FMNL2: variants seen among roughly 807,000 people sequenced by gnomAD.
The protein encoded by FMNL2 is formin-like protein 2.
Under a neutral mutation model 130.2 loss-of-function variants are expected in FMNL2, and 51 were observed. The observed-to-expected ratio is 0.39, with a 90% CI of 0.31 to 0.49. The LOEUF is 0.49. Among genes scored for constraint, FMNL2 ranks in the 20% least tolerant of loss-of-function variants. FMNL2 has a pLI of 0.85. For missense variants in FMNL2, 977 were observed against 1,316.2 expected, an observed-to-expected ratio of 0.74 and a Z score of 3.99; for synonymous variants, 465 against 467.1, an observed-to-expected ratio of 1.00 and a Z score of 0.06.
intron 1 of FMNL2, among the ~76,000 whole-genome samples, chr2:152,505,081 T>G (rs1360698630): frequency 1.3e-5 from 2 of 152,224 alleles, no homozygotes; most frequent in East Asian, 1.9e-4. Flanking sequence ...TTCTGTCCTG[T>G]GTATGTTATG....
chr2:152,556,906 A>G (rs368751200), intron 4 of FMNL2, among the ~76,000 whole-genome samples: 4 of 150,194 alleles, frequency 2.7e-5, no homozygotes, highest in South Asian at 2.2e-4. Context: ...ATTATTTTTC[A>G]TATTAAAAAG....
chr2:152,631,569 A>G (rs1179049222), intron 20 of FMNL2, among the ~76,000 whole-genome samples: 1 of 152,012 alleles, frequency 6.6e-6, no homozygotes, highest in Non-Finnish European at 1.5e-5. Flanking sequence ...TCTAGGGTGG[A>G]TGGGAATGGC....
At chr2:152,336,191 G>A (rs1681430439) in intron 1 of FMNL2, among the ~76,000 whole-genome samples, 1 of 152,110 alleles carries the variant, frequency 6.6e-6, no homozygotes, top group Non-Finnish European at 1.5e-5. Context: ...GGCAGATGGG[G>A]CGCATGTGGC....
At chr2:152,574,603 C>A (rs949223187) in intron 6 of FMNL2, among the ~76,000 whole-genome samples, 3 of 152,152 alleles carry the variant, frequency 2.0e-5, no homozygotes, top group Non-Finnish European at 4.4e-5. Context: ...TCTTCTCAAT[C>A]ATTGCTGCAT....
chr2:152,540,567 CT>C (rs1380019412), intron 2 of FMNL2, among the ~76,000 whole-genome samples: 3 of 151,584 alleles, frequency 2.0e-5, no homozygotes, highest in Non-Finnish European at 4.4e-5. Context: ...ACCATTCCCC[CT>C]ATTTTCAAGG....
chr2:152,402,857 A>G (rs1047694674), intron 1 of FMNL2, among the ~76,000 whole-genome samples: 1 of 152,154 alleles, frequency 6.6e-6, no homozygotes, highest in Non-Finnish European at 1.5e-5. Flanking sequence ...TCTGTGCTTT[A>G]TTCACCTTTC....
chr2:152,359,807 C>G (rs1391485147), intron 1 of FMNL2, among the ~76,000 whole-genome samples: 10 of 152,102 alleles, frequency 6.6e-5, no homozygotes, highest in African/African-American at 2.4e-4. Context: ...TTGTTTTAAT[C>G]TTCACTACTT....
At chr2:152,426,013 G>A (rs1434072517) in intron 1 of FMNL2, among the ~76,000 whole-genome samples, 1 of 152,208 alleles carries the variant, frequency 6.6e-6, no homozygotes, top group Non-Finnish European at 1.5e-5. Flanking sequence ...GGTATACGTT[G>A]TGATAGATTT....
At chr2:152,420,859 C>T (rs1279351763) in intron 1 of FMNL2, among the ~76,000 whole-genome samples, 1 of 152,070 alleles carries the variant, frequency 6.6e-6, no homozygotes, top group Non-Finnish European at 1.5e-5. Context: ...ACTCTGAATC[C>T]CAGTTGTAGA....
At chr2:152,646,760 A>G (rs1406193193) in intron 25 of FMNL2, among the ~76,000 whole-genome samples, 8 of 152,188 alleles carry the variant, frequency 5.3e-5, no homozygotes, top group East Asian at 1.9e-4. Context: ...AGTCAACAAT[A>G]CTAAGTTAAT....
chr2:152,492,992 A>G (rs1315233551), intron 1 of FMNL2, among the ~76,000 whole-genome samples: 1 of 152,216 alleles, frequency 6.6e-6, no homozygotes, highest in Non-Finnish European at 1.5e-5. Context: ...CATGAAGCCA[A>G]CCATAATTGT....
chr2:152,615,026 A>C, intron 12 of FMNL2, 26 bp downstream of exon 12: 1 of 1,603,424 alleles, frequency 6.2e-7, no homozygotes, highest in Non-Finnish European at 8.5e-7. Flanking sequence ...AAAAGGAAAA[A>C]TTGCTTACAT....
intron 1 of FMNL2, among the ~76,000 whole-genome samples, chr2:152,406,681 G>A (rs1028781481): frequency 6.6e-6 from 1 of 152,188 alleles, no homozygotes; most frequent in African/African-American, 2.4e-5. Flanking sequence ...CCATTTTACA[G>A]ATGAGCAAAT....
At chr2:152,608,333 G>A (rs1194354691) in intron 10 of FMNL2, among the ~76,000 whole-genome samples, 2 of 119,740 alleles carry the variant, frequency 1.7e-5, no homozygotes, top group Non-Finnish European at 1.6e-5. Flanking sequence ...ATGAAACATA[G>A]CTTTGCAGAT....
intron 6 of FMNL2, among the ~76,000 whole-genome samples, chr2:152,569,938 G>GA (rs1696084454): frequency 6.6e-6 from 1 of 150,968 alleles, no homozygotes; most frequent in Non-Finnish European, 1.5e-5. Flanking sequence ...TTGAACCCAC[G>GA]AGACAGAGGT....
rs1264301268 is a variant in FMNL2, at chr2:152,335,622, A to C, written c.19A>C (p.Met7Leu). Reference protein sequence around the residue: MGNAGSMDSQQTDFRAH... With the variant: MGNAGSLDSQQTDFRAH... ...CGCCGACATGGGCAACGCAGGGAGC[A>C]TGGATTCGCAGCAGACCGATTTCAG... The change falls in exon 1 of 26, where the codon ATG becomes CTG. Residue 7 changes from methionine (M) to leucine (L), a missense_variant. By Grantham distance (15) the Met-to-Leu change is conservative (BLOSUM62 2). This residue lies in a region of FMNL2 where 117 missense variants were observed against 134.9 expected (regional missense o/e 0.87). Transcript: ENST00000288670. 1.9e-6 allele frequency: 3 copies of C among 1,590,810 alleles called. No homozygotes were observed. Among genetic ancestry groups the C allele is most frequent in the South Asian group, 1.1e-5 (1 of 89,810 alleles).
intron 1 of FMNL2, among the ~76,000 whole-genome samples, chr2:152,465,738 T>C (rs1689496302): frequency 6.6e-6 from 1 of 152,218 alleles, no homozygotes; most frequent in African/African-American, 2.4e-5. Flanking sequence ...AGATCAGGTT[T>C]CTTCCATGGG....
chr2:152,375,778 C>G (rs570256586), intron 1 of FMNL2, among the ~76,000 whole-genome samples: 7 of 149,902 alleles, frequency 4.7e-5, no homozygotes, highest in African/African-American at 1.5e-4. Context: ...TTATGATTAT[C>G]TAGGAGTTTT....
chr2:152,602,377 T>C (rs1698126192), intron 9 of FMNL2, among the ~76,000 whole-genome samples: 1 of 152,214 alleles, frequency 6.6e-6, no homozygotes, highest in Non-Finnish European at 1.5e-5. Context: ...GCATATACTT[T>C]TATTTGTCTG....
Sources: allele counts gnomAD v4.1 joint callset (sites outside exome capture counted in the v4.1 genomes callset), GRCh38; gene constraint gnomAD v4.1.1; regional missense constraint gnomAD v4.1.1; transcripts MANE v1.5; gene names NCBI Gene and HGNC (gene_info 2026-07-23, HGNC 2026-07-21).